Variants in TOP6BL observed in about 807,000 individuals in gnomAD.
TOP6BL encodes the protein TOP6B like initiator of meiotic double strand breaks.
chr11:66,816,075 T>G, the TOP6BL span: 18 of 1,603,082 alleles, frequency 1.1e-5, no homozygotes, highest in Non-Finnish European at 8.5e-7. Flanking sequence ...CAGATGTGAG[T>G]TATCAGGTGG....
At chr11:66,790,100 G>C in the TOP6BL span, among the ~76,000 whole-genome samples, 1 of 151,938 alleles carries the variant, frequency 6.6e-6, no homozygotes, top group Non-Finnish European at 1.5e-5. Flanking sequence ...GTGAAATCCC[G>C]TCTCTACAAA....
chr11:66,797,804 G>T, the TOP6BL span, among the ~76,000 whole-genome samples: 2 of 152,016 alleles, frequency 1.3e-5, no homozygotes, highest in Non-Finnish European at 2.9e-5. Flanking sequence ...CATCATGCCT[G>T]GCCAAGAAAT....
At chr11:66,828,409 A>AT in the TOP6BL span, 6 of 1,433,178 alleles carry the variant, frequency 4.2e-6, no homozygotes, top group Non-Finnish European at 5.8e-6. Context: ...TTCCATTTTG[A>AT]TATATGGGAA....
the TOP6BL span, among the ~76,000 whole-genome samples, chr11:66,818,991 C>T: frequency 6.6e-6 from 1 of 152,184 alleles, no homozygotes; most frequent in Non-Finnish European, 1.5e-5. Context: ...CACAGTAAGG[C>T]TCTCCCATCT....
chr11:66,816,170 C>A, the TOP6BL span: 1 of 1,609,240 alleles, frequency 6.2e-7, no homozygotes, highest in Admixed American at 1.7e-5. Context: ...TTCCACAGTG[C>A]ATTTCCAGTC....
the TOP6BL span, among the ~76,000 whole-genome samples, chr11:66,829,041 G>A: frequency 3.8e-4 from 50 of 133,174 alleles, no homozygotes; most frequent in African/African-American, 1.4e-3. Flanking sequence ...GCATGACCTC[G>A]GCTCACTGCA....
At chr11:66,793,385 G>A in the TOP6BL span, among the ~76,000 whole-genome samples, 5 of 148,440 alleles carry the variant, frequency 3.4e-5, no homozygotes, top group East Asian at 1.0e-3. Context: ...GAGCCACTGT[G>A]CCCAGCCCAT....
At chr11:66,752,159 T>TA in the TOP6BL span, among the ~76,000 whole-genome samples, 13 of 151,186 alleles carry the variant, frequency 8.6e-5, no homozygotes, top group South Asian at 2.1e-4. Flanking sequence ...TTTTTTTTTT[T>TA]ACTTGGCTTA....
chr11:66,788,389 A>G, the TOP6BL span: 20 of 745,236 alleles, frequency 2.7e-5, no homozygotes, highest in Admixed American at 8.4e-5. Flanking sequence ...AAATAAGGCA[A>G]TGGTTCCCAA....
chr11:66,759,408 A>C, the TOP6BL span, among the ~76,000 whole-genome samples: 1 of 152,100 alleles, frequency 6.6e-6, no homozygotes, highest in Non-Finnish European at 1.5e-5. Flanking sequence ...TTTAGGCAAA[A>C]TTTTCCCAGA....
At chr11:66,747,318 A>T in the TOP6BL span, among the ~76,000 whole-genome samples, 1 of 152,234 alleles carries the variant, frequency 6.6e-6, no homozygotes, top group South Asian at 2.1e-4. Context: ...AGAACTTAGA[A>T]ATAATAGCTA....
the TOP6BL span, among the ~76,000 whole-genome samples, chr11:66,761,382 GAAA>G: frequency 6.6e-6 from 1 of 151,056 alleles, no homozygotes; most frequent in Non-Finnish European, 1.5e-5. Context: ...CAAAAAAAAA[GAAA>G]AAAAGATAAA....
the TOP6BL span, among the ~76,000 whole-genome samples, chr11:66,786,430 G>C: frequency 2.3e-4 from 35 of 152,068 alleles, no homozygotes; most frequent in African/African-American, 6.3e-4. Context: ...AATTCATCTT[G>C]AAATCAAAGG....
chr11:66,763,831 C>G, the TOP6BL span, among the ~76,000 whole-genome samples: 1 of 152,184 alleles, frequency 6.6e-6, no homozygotes, highest in Non-Finnish European at 1.5e-5. Flanking sequence ...TCTCAAACTT[C>G]TGGTTGGTCT....
chr11:66,795,454 A>G, the TOP6BL span, among the ~76,000 whole-genome samples: 2 of 151,842 alleles, frequency 1.3e-5, no homozygotes, highest in African/African-American at 4.8e-5. Flanking sequence ...GGCGCATGCC[A>G]CCACACCTGG....
At chr11:66,793,416 A>G in the TOP6BL span, among the ~76,000 whole-genome samples, 4 of 136,292 alleles carry the variant, frequency 2.9e-5, no homozygotes, top group African/African-American at 1.1e-4. Flanking sequence ...TTTTTCAAAT[A>G]CTTTTTCAAA....
At chr11:66,824,461 T>TATA in the TOP6BL span, among the ~76,000 whole-genome samples, 1 of 130,856 alleles carries the variant, frequency 7.6e-6, no homozygotes, top group African/African-American at 2.9e-5. Flanking sequence ...TTATTATTAT[T>TATA]ATACTTTAAG....
At chr11:66,777,641 A>C in the TOP6BL span, among the ~76,000 whole-genome samples, 1 of 152,134 alleles carries the variant, frequency 6.6e-6, no homozygotes, top group South Asian at 2.1e-4. Context: ...CTGTGATCCC[A>C]GCACTTTGGG....
chr11:66,777,059 ATATC>A, the TOP6BL span, among the ~76,000 whole-genome samples: 1 of 150,154 alleles, frequency 6.7e-6, no homozygotes, highest in Non-Finnish European at 1.5e-5. Context: ...CTATATATCT[ATATC>A]TATATATCTA....
Sources: gnomAD v4.1 joint callset for allele counts (sites outside exome capture counted in the v4.1 genomes callset) on GRCh38, gnomAD v4.1.1 for gene constraint, MANE v1.5 for transcripts, NCBI Gene and HGNC (gene_info 2026-07-23, HGNC 2026-07-21) for gene names.